Variants in DCC observed in about 807,000 individuals in gnomAD.
DCC encodes DCC netrin 1 receptor.
In DCC, 58 loss-of-function variants were observed where a neutral mutation model predicts 172.5. The observed-to-expected ratio is 0.34, with a 90% CI of 0.27 to 0.42. The LOEUF (loss-of-function observed/expected upper bound fraction) is 0.42. Ranked by LOEUF, DCC falls within the 10% of genes least tolerant of loss-of-function variation. DCC has a pLI of 1.00. For synonymous variants in DCC, 709 were observed against 644.5 expected (o/e 1.10, Z -1.52); for missense variants, 1,740 against 1,791.0 (o/e 0.97, Z 0.51).
At chr18:52,845,668 G>GC (rs1158016071) in intron 2 of DCC, among the ~76,000 whole-genome samples, 1 of 152,182 alleles carries the variant, frequency 6.6e-6, no homozygotes, top group Non-Finnish European at 1.5e-5. Flanking sequence ...ATAGAATAGA[G>GC]CCATGAACAT....
intron 1 of DCC, among the ~76,000 whole-genome samples, chr18:52,404,893 A>G (rs1021237207): frequency 2.1e-4 from 30 of 145,138 alleles, no homozygotes; most frequent in Non-Finnish European, 4.2e-4. Context: ...ATTCCCACCT[A>G]TGAGTGAGAA....
intron 1 of DCC, among the ~76,000 whole-genome samples, chr18:52,586,924 C>T (rs965958986): frequency 1.8e-4 from 28 of 152,172 alleles, no homozygotes; most frequent in East Asian, 1.9e-4. Flanking sequence ...CCCACTGCTA[C>T]ACTTCTTTAG....
intron 7 of DCC, among the ~76,000 whole-genome samples, chr18:53,118,618 G>C (rs2043440133): frequency 6.6e-6 from 1 of 151,682 alleles, no homozygotes; most frequent in Non-Finnish European, 1.5e-5. Flanking sequence ...AAAATATTAT[G>C]GTCCCTGTAT....
chr18:52,535,545 G>A (rs531738607), intron 1 of DCC, among the ~76,000 whole-genome samples: 17 of 152,208 alleles, frequency 1.1e-4, no homozygotes, highest in Admixed American at 2.6e-4. Flanking sequence ...ATAACTAGAC[G>A]TGTAAATCAT....
chr18:53,513,438 G>T (rs1415806300), intron 27 of DCC, among the ~76,000 whole-genome samples: 1 of 152,182 alleles, frequency 6.6e-6, no homozygotes, highest in African/African-American at 2.4e-5. Flanking sequence ...ACATCATAAT[G>T]ACAGGATCAA....
Position 53,161,140 on chromosome 18 carries a change from A to C in DCC, c.1418+3628A>C, listed in dbSNP as rs115295140. On this transcript the variant is annotated intron_variant, in intron 8 of 28. Coordinates refer to ENST00000442544, the MANE Select transcript of DCC (RefSeq NM_005215.4). ...TCCATGCTCTGTTCTCTTTCATAGGAATATTCCTTGAATTGTCTAACTTCA... is the reference window on the plus strand; with the variant it reads ...TCCATGCTCTGTTCTCTTTCATAGGCATATTCCTTGAATTGTCTAACTTCA... Among the ~76,000 whole-genome samples the C allele has an allele frequency of 3.8e-3, 575 of 152,298 alleles. 2 individuals are homozygous for C. Among genetic ancestry groups the C allele is most frequent in the African/African-American group, 0.013 (556 of 41,566 alleles).
chr18:52,467,832 C>T (rs1257971696), intron 1 of DCC, among the ~76,000 whole-genome samples: 2 of 151,974 alleles, frequency 1.3e-5, no homozygotes, highest in African/African-American at 2.4e-5. Context: ...GTTTGTTGGC[C>T]GCATAAATGT....
At chr18:53,164,776 A>G (rs1364576057) in intron 8 of DCC, among the ~76,000 whole-genome samples, 2 of 152,186 alleles carry the variant, frequency 1.3e-5, no homozygotes, top group African/African-American at 4.8e-5. Flanking sequence ...AATAACTGAA[A>G]TACAAGGGTG....
chr18:53,310,164 A>G (rs568600773), intron 13 of DCC, among the ~76,000 whole-genome samples: 1 of 152,080 alleles, frequency 6.6e-6, no homozygotes, highest in Non-Finnish European at 1.5e-5. Flanking sequence ...GCTACAAAAC[A>G]TTAAGGAACC....
At chr18:53,184,136 C>G (rs1382793800) in intron 9 of DCC, among the ~76,000 whole-genome samples, 1 of 151,704 alleles carries the variant, frequency 6.6e-6, no homozygotes, top group Admixed American at 6.6e-5. Context: ...AATATAATAC[C>G]TCATTTATAG....
At chr18:53,273,434 T>G (rs1452060793) in intron 12 of DCC, among the ~76,000 whole-genome samples, 1 of 152,146 alleles carries the variant, frequency 6.6e-6, no homozygotes, top group Non-Finnish European at 1.5e-5. Flanking sequence ...GAAATTTGAT[T>G]GGTAGGATTC....
intron 12 of DCC, among the ~76,000 whole-genome samples, chr18:53,291,086 T>C (rs2056998331): frequency 1.3e-5 from 2 of 152,032 alleles, no homozygotes; most frequent in African/African-American, 4.8e-5. Flanking sequence ...GAGAATTGCT[T>C]GAACCCAGGA....
chr18:52,843,915 G>A (rs1179323228), intron 2 of DCC, among the ~76,000 whole-genome samples: 1 of 152,136 alleles, frequency 6.6e-6, no homozygotes, highest in Non-Finnish European at 1.5e-5. Context: ...TTCAGGGGGT[G>A]AGTTTTTATA....
chr18:52,487,626 C>A (rs1053540773), intron 1 of DCC, among the ~76,000 whole-genome samples: 1 of 151,874 alleles, frequency 6.6e-6, no homozygotes, highest in Non-Finnish European at 1.5e-5. Context: ...GCCTGGCCAA[C>A]ATGGTGAAAT....
intron 1 of DCC, among the ~76,000 whole-genome samples, chr18:52,666,060 A>T (rs975647813): frequency 6.6e-6 from 1 of 152,174 alleles, no homozygotes; most frequent in Non-Finnish European, 1.5e-5. Flanking sequence ...AGACCTAGGC[A>T]GGCAGATCAC....
chr18:52,657,022 A>G (rs1199880675), intron 1 of DCC, among the ~76,000 whole-genome samples: 1 of 152,158 alleles, frequency 6.6e-6, no homozygotes, highest in Non-Finnish European at 1.5e-5. Flanking sequence ...GAGAAGGGGA[A>G]ATGTGATAAC....
intron 22 of DCC, among the ~76,000 whole-genome samples, chr18:53,437,271 C>T (rs537710320): frequency 1.3e-5 from 2 of 152,170 alleles, no homozygotes; most frequent in African/African-American, 4.8e-5. Flanking sequence ...CCCTAACATA[C>T]CCAACAGGTA....
intron 7 of DCC, among the ~76,000 whole-genome samples, chr18:53,137,875 G>A (rs1598839773): frequency 1.3e-5 from 2 of 152,046 alleles, no homozygotes; most frequent in South Asian, 2.1e-4. Context: ...GAGTGCAGTG[G>A]CATGATCATG....
At chr18:53,195,362 T>A (rs1772787552) in intron 9 of DCC, among the ~76,000 whole-genome samples, 1 of 152,196 alleles carries the variant, frequency 6.6e-6, no homozygotes, top group African/African-American at 2.4e-5. Flanking sequence ...GATGATTTTT[T>A]AACTTTCTTT....
Sources: allele counts gnomAD v4.1 joint callset (sites outside exome capture counted in the v4.1 genomes callset), GRCh38; gene constraint gnomAD v4.1.1; transcripts MANE v1.5; gene names NCBI Gene and HGNC (gene_info 2026-07-23, HGNC 2026-07-21).